The following MPP2 variants were observed in gnomAD, a reference collection of about 807,000 sequenced individuals.
The protein encoded by MPP2 is MAGUK p55 scaffold protein 2, also known as MAGUK p55 subfamily member 2.
Under a neutral mutation model 58.5 loss-of-function variants are expected in MPP2, and 42 were observed. The ratio of observed to expected loss-of-function variants is 0.72; its 90% CI spans 0.56 to 0.93. The LOEUF (loss-of-function observed/expected upper bound fraction) is 0.93, where lower values mean the gene tolerates loss of function less well. Ranked by LOEUF, MPP2 falls within the 40% of genes least tolerant of loss-of-function variation. The probability of loss-of-function intolerance (pLI) is 0.00; values close to 1 mark genes in which losing one functional copy is unlikely to be tolerated. For synonymous variants in MPP2, 300 were observed against 307.8 expected (o/e 0.97, Z 0.26); for missense variants, 632 against 760.4 (o/e 0.83, Z 1.99).
intron 3 of MPP2, among the ~76,000 whole-genome samples, chr17:43,890,347 C>G (rs766957770): frequency 1.3e-5 from 2 of 152,104 alleles, no homozygotes; most frequent in Non-Finnish European, 1.5e-5. Context: ...GAAAATTATC[C>G]TCAGCAAAGC....
chr17:43,882,356 G>A lies in MPP2; in HGVS notation c.609C>T (p.Leu203=). The change falls in exon 6 of 13, where the codon CTC becomes CTT. Residue 203 remains leucine, a synonymous_variant. Coordinates refer to ENST00000269095, the MANE Select transcript of MPP2 (RefSeq NM_005374.5). Reference sequence around the variant, plus strand: ...TGACACTGCCACTGGCATTGCGCAGGAGCTCCTGCAGTGCGCGGGGGTCAC... The same window carrying A: ...TGACACTGCCACTGGCATTGCGCAGAAGCTCCTGCAGTGCGCGGGGGTCAC... ...VGSDPRALQE[L]LRNASGSVIL... The A allele has an allele frequency of 6.2e-7, 1 of 1,612,462 alleles. No individual in the cohort carries two copies. The highest frequency in any genetic ancestry group is 2.2e-5 in the East Asian group (1 of 44,872).
intron 2 of MPP2, chr17:43,900,765 T>C (rs921763996): frequency 2.3e-6 from 1 of 428,836 alleles, no homozygotes; most frequent in Non-Finnish European, 3.1e-6. Context: ...GTAACCCGGG[T>C]GGGAGAAGAG....
chr17:43,900,404 ACT>A, intron 2 of MPP2: 1 of 1,519,604 alleles, frequency 6.6e-7, no homozygotes, highest in Non-Finnish European at 8.9e-7. Context: ...AGATGCCCCG[ACT>A]CTGCTGGAGG....
At chr17:43,909,431 G>A, upstream of MPP2, 1 of 585,236 alleles carries the variant, frequency 1.7e-6, no homozygotes, top group Admixed American at 4.2e-5. Context: ...ACCCTCCACT[G>A]TCACCTGTCC....
chr17:43,901,595 T>C, intron 2 of MPP2: 1 of 985,102 alleles, frequency 1.0e-6, no homozygotes, highest in Non-Finnish European at 1.2e-6. Context: ...GACAGTAGAA[T>C]TACACACCAG....
chr17:43,879,443 G>T lies in MPP2; in HGVS notation c.1354-40C>A. ...GGCAAGGTAGGGAGTATATCCCCAT[G>T]TCTGTCCTAGGAACCAGAGAAAGGC... On this transcript the variant is annotated intron_variant, in intron 11 of 12. Coordinates refer to ENST00000269095, the MANE Select transcript of MPP2 (RefSeq NM_005374.5). The surrounding 1 kb of genome is among the most constrained non-coding windows in gnomAD (Gnocchi z 4.1). 6.2e-7 allele frequency: 1 copy of T among 1,610,138 alleles called. No homozygotes were observed.
upstream of MPP2, chr17:43,907,913 G>T: frequency 1.0e-6 from 1 of 985,284 alleles, no homozygotes; most frequent in Non-Finnish European, 1.2e-6. Context: ...ACTTTTCCTC[G>T]TTATCCTGCT....
intron 3 of MPP2, among the ~76,000 whole-genome samples, chr17:43,890,308 T>C (rs537533860): frequency 1.3e-5 from 2 of 152,344 alleles, no homozygotes; most frequent in East Asian, 3.9e-4. Context: ...TTTGAATTTC[T>C]GTGGTAGCCA....
At chr17:43,902,828 C>A (rs1311053216) in intron 2 of MPP2, among the ~76,000 whole-genome samples, 5 of 152,196 alleles carry the variant, frequency 3.3e-5, no homozygotes, top group Non-Finnish European at 5.9e-5. Flanking sequence ...GCTGCCCGGG[C>A]CTCAGAGGGC....
At chr17:43,909,153 G>C (rs1022007710), upstream of MPP2, among the ~76,000 whole-genome samples, 1 of 151,944 alleles carries the variant, frequency 6.6e-6, no homozygotes, top group African/African-American at 2.4e-5. Context: ...CGCAACCTCT[G>C]CCTCCCGGGT....
intron 7 of MPP2, 44 bp from the exon 8 acceptor site, chr17:43,881,393 C>A: frequency 6.2e-7 from 1 of 1,613,970 alleles, no homozygotes; most frequent in Non-Finnish European, 8.5e-7. Context: ...CAAGAGGACC[C>A]CTCCCTGTGC....
At chr17:43,897,717 C>A (rs1032790834) in intron 3 of MPP2, among the ~76,000 whole-genome samples, 19 of 152,148 alleles carry the variant, frequency 1.2e-4, no homozygotes, top group Non-Finnish European at 8.8e-5. Flanking sequence ...ATGCCCTCCC[C>A]CTCTTCCTCA....
chr17:43,900,748 G>T, intron 2 of MPP2: 1 of 980,886 alleles, frequency 1.0e-6, no homozygotes, highest in South Asian at 2.4e-5. Context: ...GCGGTGCAGA[G>T]CAGGCGGTAA....
rs2046904837 is a variant in MPP2, at chr17:43,877,676, CTGGGAGCTGT to C, written c.*121_*130del. 1.3e-6 allele frequency: 1 copy of C among 796,606 alleles called. No individual in the cohort carries two copies. The highest frequency in any genetic ancestry group is 1.7e-5 in the African/African-American group (1 of 58,754). The allele number at this position is 796,606 out of a possible 1,614,324, so 49.3% of individuals were successfully genotyped here. On this transcript the variant is annotated 3_prime_UTR_variant, in exon 13 of 13. Coordinates refer to ENST00000269095, the MANE Select transcript of MPP2 (RefSeq NM_005374.5). ...GTGCTGAAGCCAGACTTAGGGCCTG[CTGGGAGCTGT>C]TACCCAAGGACAGCCAGATATGGGG...
intron 3 of MPP2, chr17:43,884,142 A>C (rs1305122521): frequency 3.4e-5 from 24 of 702,652 alleles, no homozygotes; most frequent in Non-Finnish European, 5.7e-5. Flanking sequence ...CATAAACCAC[A>C]ATACCATTAT....
chr17:43,902,451 G>C (rs2048131496), intron 2 of MPP2, among the ~76,000 whole-genome samples: 1 of 152,352 alleles, frequency 6.6e-6, no homozygotes, highest in East Asian at 1.9e-4. Flanking sequence ...TAATGCCTAA[G>C]CAGCTTACAG....
chr17:43,906,175 G>C (rs1397550524), intron 1 of MPP2: 2 of 972,748 alleles, frequency 2.1e-6, no homozygotes, highest in Non-Finnish European at 2.4e-6. Context: ...GGCGGGAAAA[G>C]GCAGGGAGGA....
intron 3 of MPP2, among the ~76,000 whole-genome samples, chr17:43,895,085 G>A (rs770548357): frequency 1.3e-5 from 2 of 151,896 alleles, no homozygotes; most frequent in Admixed American, 6.6e-5. Context: ...AAGGGGAGAG[G>A]CATTAACTGT....
intron 3 of MPP2, 30 bp from the exon 4 acceptor site, chr17:43,883,385 A>C (rs201131253): frequency 1.2e-4 from 199 of 1,599,756 alleles, no homozygotes; most frequent in Non-Finnish European, 1.7e-4. Flanking sequence ...AGGTGGGGCT[A>C]GGAGCTTCCC....
Sources: allele counts gnomAD v4.1 joint callset (sites outside exome capture counted in the v4.1 genomes callset), GRCh38; gene constraint gnomAD v4.1.1; non-coding constraint Gnocchi (gnomAD v3.1); transcripts MANE v1.5; gene names NCBI Gene and HGNC (gene_info 2026-07-23, HGNC 2026-07-21).